The following ERGIC3 variants were observed in gnomAD, a reference collection of about 807,000 sequenced individuals.
ERGIC3 encodes ERGIC and golgi 3, also known as endoplasmic reticulum-Golgi intermediate compartment protein 3.
A neutral mutation model predicts 54.7 loss-of-function variants in ERGIC3; 33 were observed. The ratio of observed to expected loss-of-function variants is 0.60; its 90% CI spans 0.46 to 0.81. ERGIC3 has a LOEUF of 0.81. Ranked by LOEUF, ERGIC3 falls within the 30% of genes least tolerant of loss-of-function variation. The probability of loss-of-function intolerance (pLI) is 0.00; values close to 1 mark genes in which losing one functional copy is unlikely to be tolerated. For synonymous variants in ERGIC3, 186 were observed against 189.8 expected (o/e 0.98, Z 0.16); for missense variants, 399 against 488.4 (o/e 0.82, Z 1.73).
At position 35,542,532 on chromosome 20, in the gene ERGIC3, T is replaced by G; in HGVS notation, c.179T>G (p.Val60Gly). 1 of 1,613,994 alleles carries G rather than the reference T, an allele frequency of 6.2e-7. No homozygotes were observed. Among genetic ancestry groups the G allele is most frequent in the Non-Finnish European group, 8.5e-7 (1 of 1,180,010 alleles). ...LTTEVHPELY[V>G]DKSRGDKLKI... Reference sequence around the variant, plus strand: ...CCCCAGGTGCATCCTGAGCTCTACGTGGACAAGTCGCGGGGAGATAAACTG... The same window carrying G: ...CCCCAGGTGCATCCTGAGCTCTACGGGGACAAGTCGCGGGGAGATAAACTG... Residue 60 changes from valine (V) to glycine (G), a missense_variant, in exon 3 of 13, where the codon GTG becomes GGG. By Grantham distance (109) the Val-to-Gly change is moderately radical. Coordinates refer to ENST00000348547, the MANE Select transcript of ERGIC3 (RefSeq NM_015966.3).
In ERGIC3 at chr20:35,542,501, G is replaced by C; in HGVS notation, c.160-12G>C. On this transcript the variant is annotated splice_polypyrimidine_tract_variant and intron_variant, in intron 2 of 12. Transcript: ENST00000348547. ...TTTGGGGCTAAGTCTTACTGAGGTA[G>C]CGCTGCCCCAGGTGCATCCTGAGCT... The C allele has an allele frequency of 1.2e-6, 2 of 1,613,982 alleles. No individual in the cohort carries two copies. The highest frequency in any genetic ancestry group is 1.7e-6 in the Non-Finnish European group (2 of 1,180,002).
chr20:35,552,707 T>A (rs1334096617), intron 7 of ERGIC3, among the ~76,000 whole-genome samples: 5 of 152,052 alleles, frequency 3.3e-5, no homozygotes, highest in African/African-American at 1.2e-4. Flanking sequence ...TGCTTGAAAT[T>A]GAAGTCACAG....
At chr20:35,549,015 G>A (rs569632601) in intron 7 of ERGIC3, 150 bp downstream of exon 7, 4 of 870,272 alleles carry the variant, frequency 4.6e-6, no homozygotes, top group South Asian at 1.4e-5. Flanking sequence ...TGGCACAGTG[G>A]CTAAGAGCAC....
Position 35,557,584 on chromosome 20 carries a change from C to CG in ERGIC3, c.*82dup. On this transcript the variant is annotated 3_prime_UTR_variant, in exon 13 of 13. Coordinates refer to ENST00000348547, the MANE Select transcript of ERGIC3 (RefSeq NM_015966.3). ...CAGCCTCTGCCACCCTCCACCTCCT[C>CG]GGTCAGCCCCAGCCCCAGGTTGATA... The CG allele has an allele frequency of 1.7e-6, 2 of 1,192,222 alleles. No individual in the cohort carries two copies. The highest frequency in any genetic ancestry group is 2.5e-6 in the Non-Finnish European group (2 of 803,000). 73.9% of individuals were successfully genotyped at this position (1,192,222 alleles called of 1,614,324 possible).
intron 7 of ERGIC3, among the ~76,000 whole-genome samples, chr20:35,551,169 C>A (rs2064679843): frequency 6.6e-6 from 1 of 152,036 alleles, no homozygotes; most frequent in Non-Finnish European, 1.5e-5. Context: ...CGGCGTGCGC[C>A]TGTAGTCCCA....
intron 7 of ERGIC3, among the ~76,000 whole-genome samples, chr20:35,550,508 C>T (rs1361134940): frequency 6.6e-6 from 1 of 152,052 alleles, no homozygotes; most frequent in Admixed American, 6.6e-5. Flanking sequence ...CCCAGCTACT[C>T]GGGAGGCTGA....
At chr20:35,553,989 C>G (rs2147309721) in intron 7 of ERGIC3, among the ~76,000 whole-genome samples, 1 of 152,250 alleles carries the variant, frequency 6.6e-6, no homozygotes, top group Admixed American at 6.5e-5. Flanking sequence ...TTGATTGGGG[C>G]TGGGGTGGGT....
rs993097118 is a variant in ERGIC3 at position 35,555,908 on chromosome 20, G to A, written c.718-125G>A. 4.0e-5 allele frequency: 32 copies of A among 793,786 alleles called. 1 individual carries two copies. Among genetic ancestry groups the A allele is most frequent in the South Asian group, 1.2e-4 (7 of 56,658 alleles). 49.2% of individuals were successfully genotyped at this position (793,786 alleles called of 1,614,324 possible). ...GCAGGGAATGGGGGATTCTTATCTC[G>A]GGGAGGTTGTCCCCTTAGGACCATA... On this transcript the variant is annotated intron_variant, in intron 8 of 12. Coordinates refer to ENST00000348547, the MANE Select transcript of ERGIC3 (RefSeq NM_015966.3).
At chr20:35,547,292 A>G in intron 4 of ERGIC3, 120 bp from the exon 5 acceptor site, 3 of 708,268 alleles carry the variant, frequency 4.2e-6, no homozygotes, top group South Asian at 1.6e-5. Flanking sequence ...AGCATGTACT[A>G]TATGAATATT....
chr20:35,548,611 C>T lies in ERGIC3; in HGVS notation c.564C>T (p.Ser188=), dbSNP rs1405951689. The T allele has an allele frequency of 1.2e-6, 2 of 1,614,194 alleles. No homozygotes were observed. Among genetic ancestry groups the T allele is most frequent in the Admixed American group, 1.7e-5 (1 of 60,018 alleles). ...AGCAGTGCCGGCGAGAGGGCTTCAG[C>T]CAGAAGATGCAGGAGCAGAAGAATG... is the stretch of plus-strand genomic sequence containing the variant. ...TIEQCRREGF[S]QKMQEQKNEG... The change falls in exon 6 of 13, where the codon AGC becomes AGT. Residue 188 remains serine, a synonymous_variant. Coordinates refer to ENST00000348547, the MANE Select transcript of ERGIC3 (RefSeq NM_015966.3).
chr20:35,542,114 A>C lies in ERGIC3; in HGVS notation c.17A>C (p.Lys6Thr). 6.4e-7 allele frequency: 1 copy of C among 1,555,672 alleles called. No homozygotes were observed. The highest frequency in any genetic ancestry group is 8.7e-7 in the Non-Finnish European group (1 of 1,151,316). Residue 6 changes from lysine to threonine, a missense_variant, in exon 1 of 13, where the codon AAG becomes ACG. Transcript: ENST00000348547. MEALG[K>T]LKQFDAYPKT... The stretch of plus-strand genomic sequence containing the variant: ...CCGGTCCCCATGGAGGCGCTGGGGA[A>C]GCTGAAGCAGTTCGATGCCTACCCC...
At chr20:35,552,191 T>C (rs549291013) in intron 7 of ERGIC3, among the ~76,000 whole-genome samples, 1 of 152,192 alleles carries the variant, frequency 6.6e-6, no homozygotes, top group South Asian at 2.1e-4. Flanking sequence ...CAGAAGTACA[T>C]GGAGAGTCTC....
chr20:35,544,360 TTTG>T lies in ERGIC3; in HGVS notation c.367+1425_367+1427del, dbSNP rs1201269022. ...TGAGCCACTGCGCCTGGCCTACTTA[TTTG>T]TTGTTTAAATTTATTTTTTTTCTGT... On this transcript the variant is annotated intron_variant, in intron 4 of 12. Transcript: ENST00000348547. 3 of 264,558 alleles carry T rather than the reference TTTG, an allele frequency of 1.1e-5. No homozygotes were observed. In the East Asian group the frequency reaches 4.0e-4, roughly 35 times the overall value. The allele number at this position is 264,558 out of a possible 1,614,324, so 16.4% of individuals were successfully genotyped here. A position where few individuals can be genotyped will look rare whatever the true frequency, so the allele number is the denominator to read the frequency against.
chr20:35,542,726 T>A, intron 3 of ERGIC3, 96 bp from the exon 4 acceptor site: 2 of 1,607,848 alleles, frequency 1.2e-6, no homozygotes, highest in Non-Finnish European at 1.7e-6. Flanking sequence ...CATCCCGTTC[T>A]GCCCCAAGAC....
chr20:35,550,874 C>G (rs6060460), intron 7 of ERGIC3, among the ~76,000 whole-genome samples: 1 of 152,040 alleles, frequency 6.6e-6, no homozygotes, highest in Non-Finnish European at 1.5e-5. Context: ...GGGGCACGGC[C>G]CAGAGTGGCA....
At chr20:35,543,541 G>T in intron 4 of ERGIC3, 1 of 462,010 alleles carries the variant, frequency 2.2e-6, no homozygotes. Flanking sequence ...TATCTTGGTG[G>T]CTTCCCAATT....
chr20:35,555,950 A>T, intron 8 of ERGIC3, 83 bp from the exon 9 acceptor site: 1 of 1,312,782 alleles, frequency 7.6e-7, no homozygotes, highest in Non-Finnish European at 1.1e-6. Context: ...CCTTCCTCCC[A>T]CATCTCCGCA....
intron 5 of ERGIC3, 39 bp downstream of exon 5, chr20:35,547,544 C>T (rs766502291): frequency 3.2e-4 from 507 of 1,581,310 alleles, no homozygotes; most frequent in Non-Finnish European, 4.1e-4. Context: ...TCCCATCAGG[C>T]GCCATCTGTC....
Position 35,547,520 on chromosome 20 carries a change from A to G in ERGIC3, c.461+15A>G, listed in dbSNP as rs765247551. The stretch of plus-strand genomic sequence containing the variant: ...GAAGATATCAAGTGAGCTGGCGGGG[A>G]GCGGGAGCAGGGTTCCCATCAGGCG... On this transcript the variant is annotated intron_variant, in intron 5 of 12. Coordinates refer to ENST00000348547, the MANE Select transcript of ERGIC3 (RefSeq NM_015966.3). 1 of 1,611,196 alleles carries G rather than the reference A, an allele frequency of 6.2e-7. No individual in the cohort carries two copies. Among genetic ancestry groups the G allele is most frequent in the Non-Finnish European group, 8.5e-7 (1 of 1,177,940 alleles).
Sources: allele counts gnomAD v4.1 joint callset (sites outside exome capture counted in the v4.1 genomes callset), GRCh38; gene constraint gnomAD v4.1.1; transcripts MANE v1.5; gene names NCBI Gene and HGNC (gene_info 2026-07-23, HGNC 2026-07-21).